The following GNB1 variants were observed in gnomAD, a reference collection of about 807,000 sequenced individuals.
GNB1 encodes G protein subunit beta 1.
GNB1 carries 2 observed loss-of-function variants against 42.9 expected under a neutral mutation model. That is an observed-to-expected ratio of 0.05 (90% CI 0.02 to 0.15). The LOEUF (loss-of-function observed/expected upper bound fraction) is 0.15. Ranked by LOEUF, GNB1 falls within the 10% of genes least tolerant of loss-of-function variation. GNB1 has a pLI of 1.00. For synonymous variants in GNB1, 183 were observed against 174.7 expected (o/e 1.05, Z -0.38); for missense variants, 193 against 462.2 (o/e 0.42, Z 5.34).
At chr1:1,871,662 T>C (rs1441314688) in intron 1 of GNB1, among the ~76,000 whole-genome samples, 1 of 152,226 alleles carries the variant, frequency 6.6e-6, no homozygotes, top group Non-Finnish European at 1.5e-5. Context: ...TAGCCGGCGG[T>C]TGGCACTTAG....
Position 1,786,267 on chromosome 1 carries a change from T to A in GNB1, c.*796A>T, listed in dbSNP as rs1646405088. 5.1e-6 allele frequency: 2 copies of A among 390,382 alleles called. No homozygotes were observed. The highest frequency in any genetic ancestry group is 9.0e-6 in the Non-Finnish European group (2 of 221,232). The allele number at this position is 390,382 out of a possible 1,614,324, so 24.2% of individuals were successfully genotyped here. On this transcript the variant is annotated 3_prime_UTR_variant, in exon 12 of 12. Transcript: ENST00000378609. ...CTTCACAAGGAAACCCAAAGTGAGA[T>A]TAAAAACTCAACTGAGAAGATAGAC...
chr1:1,885,679 C>G (rs1333274589), intron 1 of GNB1, among the ~76,000 whole-genome samples: 2 of 150,182 alleles, frequency 1.3e-5, no homozygotes, highest in Admixed American at 1.3e-4. Context: ...GCCTCAGCCT[C>G]CCAAGTAGCT....
intron 7 of GNB1, chr1:1,793,521 C>T (rs781077459): frequency 1.7e-5 from 7 of 422,174 alleles, no homozygotes; most frequent in Non-Finnish European, 2.6e-5. Flanking sequence ...CAGGACAGCA[C>T]GTCCCACAGA....
chr1:1,845,869 A>G (rs1009443131), intron 1 of GNB1, among the ~76,000 whole-genome samples: 126 of 149,480 alleles, frequency 8.4e-4, no homozygotes, highest in Non-Finnish European at 1.6e-3. Flanking sequence ...ACACACACAC[A>G]CACGTATATC....
chr1:1,888,784 A>G (rs990836966), intron 1 of GNB1, among the ~76,000 whole-genome samples: 1 of 152,176 alleles, frequency 6.6e-6, no homozygotes, highest in African/African-American at 2.4e-5. Context: ...GGTTGCAATG[A>G]GCCGAGATCG....
chr1:1,870,920 C>T (rs181133285), intron 1 of GNB1, among the ~76,000 whole-genome samples: 69 of 152,048 alleles, frequency 4.5e-4, no homozygotes, highest in African/African-American at 1.6e-3. Context: ...GACAGAGACT[C>T]CATCTCAAAA....
intron 3 of GNB1, chr1:1,818,162 C>T (rs565530131): frequency 1.6e-3 from 457 of 281,540 alleles, no homozygotes; most frequent in Non-Finnish European, 2.7e-3. Context: ...GGAGACCACA[C>T]TGCAAGCTGG....
At chr1:1,878,630 G>T (rs1649677282) in intron 1 of GNB1, among the ~76,000 whole-genome samples, 1 of 151,962 alleles carries the variant, frequency 6.6e-6, no homozygotes, top group Admixed American at 6.6e-5. Context: ...TGTCGCATAG[G>T]TAACATTCCT....
chr1:1,888,977 A>G (rs1056769997), intron 1 of GNB1, among the ~76,000 whole-genome samples: 1 of 152,196 alleles, frequency 6.6e-6, no homozygotes, highest in African/African-American at 2.4e-5. Context: ...GCGTTAGCAA[A>G]GAAGGAACCG....
chr1:1,794,549 C>G (rs953411629), intron 7 of GNB1, among the ~76,000 whole-genome samples: 2 of 152,078 alleles, frequency 1.3e-5, no homozygotes, highest in Non-Finnish European at 2.9e-5. Flanking sequence ...AGCCTTCCCC[C>G]CAACTACACC....
intron 2 of GNB1, among the ~76,000 whole-genome samples, chr1:1,834,986 G>A (rs1036000438): frequency 6.6e-6 from 1 of 152,120 alleles, no homozygotes; most frequent in African/African-American, 2.4e-5. Context: ...CCTTTTATAA[G>A]GGGCCTGGAA....
intron 8 of GNB1, among the ~76,000 whole-genome samples, chr1:1,791,170 G>GT (rs1451933141): frequency 6.7e-5 from 6 of 89,914 alleles, no homozygotes; most frequent in Non-Finnish European, 1.4e-4. Flanking sequence ...ATCACACCTG[G>GT]TATTTTTTTT....
At position 1,855,428 on chromosome 1, in the gene GNB1, G is replaced by A. The variant is rs373710633; in HGVS notation, c.-95-16190C>T. ...GCAAAACAATAACTCCCGGCCGGGCGCGGTGGCTCACGCCTGTAATCCCAG... is the reference window on the plus strand; with the variant it reads ...GCAAAACAATAACTCCCGGCCGGGCACGGTGGCTCACGCCTGTAATCCCAG... On this transcript the variant is annotated intron_variant, in intron 1 of 11. Coordinates refer to ENST00000378609, the MANE Select transcript of GNB1 (RefSeq NM_002074.5). Among the ~76,000 whole-genome samples, 6 of 151,968 alleles carry A rather than the reference G, an allele frequency of 3.9e-5. No individual in the cohort carries two copies. In the East Asian group the frequency reaches 5.8e-4, roughly 15 times the overall value.
At chr1:1,876,479 A>G (rs946719152) in intron 1 of GNB1, among the ~76,000 whole-genome samples, 3 of 143,134 alleles carry the variant, frequency 2.1e-5, no homozygotes, top group Middle Eastern at 3.5e-3. Context: ...GAGAGAGGAC[A>G]TGCATGTGCA....
chr1:1,787,156 A>T lies in GNB1; in HGVS notation c.*10-103T>A. Reference sequence around the variant, plus strand: ...TTCCCATCACTGCATGAGTGTCTGCAGCTGAGGGCACGTGACTTCAGCTTT... The same window carrying T: ...TTCCCATCACTGCATGAGTGTCTGCTGCTGAGGGCACGTGACTTCAGCTTT... On this transcript the variant is annotated intron_variant, in intron 11 of 11. Transcript: ENST00000378609. The surrounding 1 kb of genome is among the most constrained non-coding windows in gnomAD (Gnocchi z 4.4). 1 of 539,734 alleles carries T rather than the reference A, an allele frequency of 1.9e-6. No individual in the cohort carries two copies. Among genetic ancestry groups the T allele is most frequent in the Non-Finnish European group, 3.3e-6 (1 of 298,596 alleles). 33.4% of individuals were successfully genotyped at this position (539,734 alleles called of 1,614,324 possible). A position where few individuals can be genotyped will look rare whatever the true frequency, so the allele number is the denominator to read the frequency against.
intron 1 of GNB1, among the ~76,000 whole-genome samples, chr1:1,871,681 T>C (rs1428765528): frequency 6.6e-6 from 1 of 152,222 alleles, no homozygotes; most frequent in African/African-American, 2.4e-5. Flanking sequence ...AGTTGCCCTA[T>C]ACCCATTTTG....
intron 2 of GNB1, among the ~76,000 whole-genome samples, chr1:1,838,380 A>C (rs1191493860): frequency 1.3e-5 from 2 of 152,076 alleles, no homozygotes; most frequent in Non-Finnish European, 2.9e-5. Context: ...TTCCCACTTT[A>C]TTCAAACAAA....
chr1:1,824,424 CAG>C (rs1321455033), intron 3 of GNB1, among the ~76,000 whole-genome samples: 2 of 152,076 alleles, frequency 1.3e-5, no homozygotes, highest in Non-Finnish European at 2.9e-5. Context: ...CTGGGCACAA[CAG>C]AGTGAAACTC....
At chr1:1,853,538 A>ATATC in intron 1 of GNB1, among the ~76,000 whole-genome samples, 1 of 152,288 alleles carries the variant, frequency 6.6e-6, no homozygotes, top group East Asian at 1.9e-4. Flanking sequence ...TAAAGGTAAA[A>ATATC]TATCTCCCCA....
Sources: gnomAD v4.1 joint callset for allele counts (sites outside exome capture counted in the v4.1 genomes callset) on GRCh38, gnomAD v4.1.1 for gene constraint, Gnocchi (gnomAD v3.1) non-coding constraint, MANE v1.5 for transcripts, NCBI Gene and HGNC (gene_info 2026-07-23, HGNC 2026-07-21) for gene names.